The following ADGRG6 variants were observed in gnomAD, a reference collection of about 807,000 sequenced individuals.
ADGRG6 encodes the protein G-protein coupled receptor 126.
A neutral mutation model predicts 142.4 loss-of-function variants in ADGRG6; 84 were observed. The ratio of observed to expected loss-of-function variants is 0.59; its 90% confidence interval spans 0.49 to 0.71. The LOEUF is 0.71. ADGRG6 is among the 30% of genes least tolerant of loss of function. The pLI is 0.00. For synonymous variants in ADGRG6, 521 were observed against 520.5 expected (o/e 1.00, Z -0.01); for missense variants, 1,367 against 1,466.6 (o/e 0.93, Z 1.11).
At chr6:142,354,428 G>C (rs1028710596) in intron 2 of ADGRG6, among the ~76,000 whole-genome samples, 36 of 152,030 alleles carry the variant, frequency 2.4e-4, no homozygotes, top group Admixed American at 2.4e-3. Flanking sequence ...AGTTTTAATG[G>C]CCAAATATAA....
intron 6 of ADGRG6, among the ~76,000 whole-genome samples, chr6:142,386,959 C>A (rs918397098): frequency 1.1e-4 from 17 of 152,138 alleles, no homozygotes; most frequent in African/African-American, 4.1e-4. Flanking sequence ...CCCATGAAGA[C>A]AAGGGGAGAA....
At chr6:142,319,838 A>G (rs1344132218) in intron 2 of ADGRG6, among the ~76,000 whole-genome samples, 1 of 152,098 alleles carries the variant, frequency 6.6e-6, no homozygotes, top group Non-Finnish European at 1.5e-5. Flanking sequence ...TGAATTGGGA[A>G]CTTTGGGCTA....
At chr6:142,439,103 T>C (rs2294770) in intron 24 of ADGRG6, among the ~76,000 whole-genome samples, 12,335 of 152,164 alleles carry the variant, frequency 0.081, 607 homozygotes, top group East Asian at 0.25. Context: ...TGAGAAATGA[T>C]TGAGCAACTG....
chr6:142,309,507 T>A (rs372487745), intron 1 of ADGRG6, 37 bp from the exon 2 acceptor site: 250 of 1,396,118 alleles, frequency 1.8e-4, no homozygotes, highest in Non-Finnish European at 6.9e-5. Context: ...CTTTACTGAA[T>A]GTTGAATGTC....
intron 8 of ADGRG6, 79 bp from the exon 9 acceptor site, chr6:142,393,817 T>A: frequency 1.2e-6 from 1 of 861,078 alleles, no homozygotes; most frequent in East Asian, 2.7e-5. Flanking sequence ...TCTGTCTCTT[T>A]ATTTCAGGTC....
At chr6:142,424,683 C>T (rs1253476618) in intron 22 of ADGRG6, among the ~76,000 whole-genome samples, 1 of 151,682 alleles carries the variant, frequency 6.6e-6, no homozygotes, top group Non-Finnish European at 1.5e-5. Context: ...ATGCTGGCCT[C>T]ATAAAATGAG....
chr6:142,379,931 G>A (rs952029392), intron 4 of ADGRG6, among the ~76,000 whole-genome samples: 1 of 152,162 alleles, frequency 6.6e-6, no homozygotes, highest in African/African-American at 2.4e-5. Flanking sequence ...TCAGGGTACA[G>A]CTTGCTTTTA....
intron 9 of ADGRG6, among the ~76,000 whole-genome samples, chr6:142,396,672 A>C (rs1220396331): frequency 6.6e-6 from 1 of 152,186 alleles, no homozygotes; most frequent in Non-Finnish European, 1.5e-5. Context: ...TGATCTCAAT[A>C]ATATAACGTC....
At chr6:142,322,090 A>T (rs1268080397) in intron 2 of ADGRG6, among the ~76,000 whole-genome samples, 1 of 152,142 alleles carries the variant, frequency 6.6e-6, no homozygotes, top group Non-Finnish European at 1.5e-5. Context: ...GTATTCAGGG[A>T]TATTTTCAGT....
At chr6:142,337,454 A>G (rs1283375392) in intron 2 of ADGRG6, among the ~76,000 whole-genome samples, 2 of 152,186 alleles carry the variant, frequency 1.3e-5, no homozygotes. Flanking sequence ...CAAACCAGAA[A>G]AATGGCAATG....
chr6:142,390,852 A>T (rs1774857668), intron 7 of ADGRG6, among the ~76,000 whole-genome samples: 3 of 151,850 alleles, frequency 2.0e-5, no homozygotes, highest in African/African-American at 7.2e-5. Flanking sequence ...AAAGAAAATT[A>T]AACTATAGAT....
At chr6:142,338,318 A>G (rs532684325) in intron 2 of ADGRG6, among the ~76,000 whole-genome samples, 71 of 151,862 alleles carry the variant, frequency 4.7e-4, no homozygotes, top group South Asian at 1.5e-3. Context: ...TATGCCTTGT[A>G]TCTTTGATAG....
intron 2 of ADGRG6, among the ~76,000 whole-genome samples, chr6:142,313,909 T>G (rs1449551450): frequency 6.6e-6 from 1 of 152,148 alleles, no homozygotes; most frequent in Non-Finnish European, 1.5e-5. Context: ...CAGTATTGTG[T>G]ATTGAAAATT....
At chr6:142,331,754 G>A (rs898489840) in intron 2 of ADGRG6, among the ~76,000 whole-genome samples, 4 of 151,762 alleles carry the variant, frequency 2.6e-5, no homozygotes. Flanking sequence ...TAGTGTATTT[G>A]TGACTAAGTA....
chr6:142,381,887 AT>A (rs1781787274), intron 4 of ADGRG6, 63 bp from the exon 5 acceptor site: 2 of 1,019,934 alleles, frequency 2.0e-6, no homozygotes, highest in East Asian at 2.6e-5. Context: ...CAACCGTATG[AT>A]TTTTCTGGAT....
intron 2 of ADGRG6, among the ~76,000 whole-genome samples, chr6:142,348,131 G>A (rs1489120340): frequency 6.6e-6 from 1 of 152,132 alleles, no homozygotes; most frequent in Admixed American, 6.5e-5. Context: ...TGGTAATGGG[G>A]TGGTGGAATT....
chr6:142,308,813 CAATAT>C (rs1777626225), intron 1 of ADGRG6, among the ~76,000 whole-genome samples: 1 of 151,318 alleles, frequency 6.6e-6, no homozygotes, highest in South Asian at 2.1e-4. Flanking sequence ...TGTTTTGAGA[CAATAT>C]AATATGAATG....
chr6:142,373,268 T>G (rs1266063048), intron 4 of ADGRG6, among the ~76,000 whole-genome samples: 1 of 151,414 alleles, frequency 6.6e-6, no homozygotes, highest in Non-Finnish European at 1.5e-5. Context: ...AGTACCAGGA[T>G]AGGCTAAAGC....
rs1361015677 is a variant in ADGRG6, at chr6:142,442,828, GAA to G, written c.3575-506_3575-505del. ...TTAATTTTATAAAATTTTTTGTTAT[GAA>G]AAGTGTCAAACCTATATAAAAAATA... On this transcript the variant is annotated intron_variant, in intron 24 of 24. Coordinates refer to ENST00000367609, the MANE Select transcript of ADGRG6 (RefSeq NM_198569.3). Among the ~76,000 whole-genome samples the G allele has an allele frequency of 7.9e-5, 12 of 151,866 alleles. No homozygotes were observed. In the Middle Eastern group the frequency reaches 0.014, roughly 172 times the overall value.
Sources: allele counts gnomAD v4.1 joint callset (sites outside exome capture counted in the v4.1 genomes callset), GRCh38; gene constraint gnomAD v4.1.1; transcripts MANE v1.5; gene names NCBI Gene and HGNC (gene_info 2026-07-23, HGNC 2026-07-21).